Variants in UPF2 observed in about 807,000 individuals in gnomAD.
The protein encoded by UPF2 is UPF2 regulator of nonsense mediated mRNA decay.
Under a neutral mutation model 141.4 loss-of-function variants are expected in UPF2, and 17 were observed. The observed-to-expected ratio is 0.12, with a 90% confidence interval of 0.08 to 0.18. The LOEUF is 0.18. Ranked by LOEUF, UPF2 falls within the 10% of genes least tolerant of loss-of-function variation. The pLI is 1.00. For synonymous variants in UPF2, 540 were observed against 498.0 expected (o/e 1.08, Z -1.12); for missense variants, 1,152 against 1,515.9 (o/e 0.76, Z 3.99).
At chr10:11,983,626 C>G (rs538398966) in intron 8 of UPF2, among the ~76,000 whole-genome samples, 1 of 152,296 alleles carries the variant, frequency 6.6e-6, no homozygotes. Flanking sequence ...CCTGCTTCAG[C>G]CTCCCAAAGT....
chr10:12,000,346 T>C (rs1389977257), intron 6 of UPF2, among the ~76,000 whole-genome samples: 1 of 152,210 alleles, frequency 6.6e-6, no homozygotes, highest in East Asian at 1.9e-4. Context: ...GCACTCCCAA[T>C]TCTTGCCTTT....
In UPF2 at chr10:11,967,996, T is replaced by C. The variant is rs191350347; in HGVS notation, c.1954-542A>G. Among the ~76,000 whole-genome samples, 446 of 152,254 alleles carry C rather than the reference T, an allele frequency of 2.9e-3. 2 individuals carry two copies. The highest frequency in any genetic ancestry group is 7.3e-3 in the Admixed American group (111 of 15,290). ...GGAGTTCGAGACTGCCTGGCCAAGA[T>C]GGCGAAACCCTGTCTCTACTAAAAA... On this transcript the variant is annotated intron_variant, in intron 9 of 21. Transcript: ENST00000357604.
chr10:11,927,490 T>C (rs927162506), intron 21 of UPF2, among the ~76,000 whole-genome samples: 1 of 152,202 alleles, frequency 6.6e-6, no homozygotes, highest in African/African-American at 2.4e-5. Flanking sequence ...GAATAGATGT[T>C]ATCAAGAACA....
At chr10:12,020,949 C>T (rs1834307231) in intron 3 of UPF2, among the ~76,000 whole-genome samples, 1 of 152,214 alleles carries the variant, frequency 6.6e-6, no homozygotes, top group South Asian at 2.1e-4. Context: ...CAAGCCTTCA[C>T]CACAGAACTG....
In UPF2 at chr10:11,979,187, T is replaced by C. The variant is rs1564353253; in HGVS notation, c.1845-22A>G. On this transcript the variant is annotated intron_variant, in intron 8 of 21. Coordinates refer to ENST00000357604, the MANE Select transcript of UPF2 (RefSeq NM_015542.4). This position sits in a 1 kb window ranked among gnomAD's most constrained non-coding sequence, Gnocchi z 6.2. ...CAACCTGCAAAAGTTATATGTGATATGTGTCAAAGGAAAGACATATCAAAA... is the reference window on the plus strand; with the variant it reads ...CAACCTGCAAAAGTTATATGTGATACGTGTCAAAGGAAAGACATATCAAAA... 2 of 1,563,184 alleles carry C rather than the reference T, an allele frequency of 1.3e-6. No homozygotes were observed. The highest frequency in any genetic ancestry group is 2.2e-5 in the East Asian group (1 of 44,504).
At chr10:11,957,333 G>GCAAGAGAAT (rs753547697) in intron 12 of UPF2, among the ~76,000 whole-genome samples, 8 of 151,810 alleles carry the variant, frequency 5.3e-5, no homozygotes, top group Non-Finnish European at 1.2e-4. Flanking sequence ...GGTTGCTGAG[G>GCAAGAGAAT]CAAGAGAATC....
intron 4 of UPF2, 87 bp downstream of exon 4, chr10:12,013,937 T>C: frequency 7.7e-7 from 1 of 1,300,922 alleles, no homozygotes; most frequent in Non-Finnish European, 1.0e-6. Context: ...AAAACTTAAA[T>C]TCTCAATACT....
At chr10:11,976,469 A>C (rs1410868324) in intron 9 of UPF2, among the ~76,000 whole-genome samples, 1 of 152,226 alleles carries the variant, frequency 6.6e-6, no homozygotes, top group African/African-American at 2.4e-5. Flanking sequence ...AACTGGACAA[A>C]ATACATTGTA....
In UPF2 at chr10:11,940,010, G is replaced by A. The variant is rs1429883840; in HGVS notation, c.3378+2655C>T. ...ATAATTAGGATTATACTAAGTTTAA[G>A]GGCTTGATTTATGGAAAAATAATAT... On this transcript the variant is annotated intron_variant, in intron 18 of 21. Coordinates refer to ENST00000357604, the MANE Select transcript of UPF2 (RefSeq NM_015542.4). The surrounding 1 kb of genome is among the most constrained non-coding windows in gnomAD (Gnocchi z 4.2). 6.6e-6 allele frequency among the ~76,000 whole-genome samples: 1 copy of A among 152,088 alleles called. No homozygotes were observed. Among genetic ancestry groups the A allele is most frequent in the Non-Finnish European group, 1.5e-5 (1 of 68,014 alleles).
Position 12,023,459 on chromosome 10 carries a change from G to A in UPF2, c.1145+5286C>T, listed in dbSNP as rs1250037523. ...GGAGGCCGAGGCGGGAAGATCATGA[G>A]GTCAAGAGATCGAGACCATCCTGGC... On this transcript the variant is annotated intron_variant, in intron 3 of 21. Coordinates refer to ENST00000357604, the MANE Select transcript of UPF2 (RefSeq NM_015542.4). Among the ~76,000 whole-genome samples the A allele has an allele frequency of 2.7e-5, 4 of 148,100 alleles. No individual in the cohort carries two copies. In the Admixed American group the frequency reaches 2.8e-4, roughly 10 times the overall value.
intron 9 of UPF2, among the ~76,000 whole-genome samples, chr10:11,977,695 G>A (rs112768249): frequency 2.6e-5 from 4 of 152,186 alleles, no homozygotes; most frequent in African/African-American, 7.2e-5. Context: ...AGAATATCAC[G>A]GCTTCTGCTA....
At position 11,957,574 on chromosome 10, in the gene UPF2, G is replaced by T. The variant is rs190948088; in HGVS notation, c.2371-1051C>A. The stretch of plus-strand genomic sequence containing the variant: ...TCTGTCATCCAGGCTGGAGTGCAGT[G>T]GCATGATCTCAGCTCACTACAACCC... On this transcript the variant is annotated intron_variant, in intron 12 of 21. Transcript: ENST00000357604. Among the ~76,000 whole-genome samples the T allele has an allele frequency of 4.6e-5, 7 of 152,044 alleles. 1 individual carries two copies. The East Asian group carries it at 1.4e-3, about 30-fold the overall frequency.
At chr10:12,012,992 G>A (rs563825958) in intron 4 of UPF2, among the ~76,000 whole-genome samples, 1 of 151,548 alleles carries the variant, frequency 6.6e-6, no homozygotes, top group Non-Finnish European at 1.5e-5. Flanking sequence ...AGACATGGTG[G>A]TGCACACCTG....
At chr10:11,933,973 C>G (rs1172456447) in intron 19 of UPF2, among the ~76,000 whole-genome samples, 1 of 152,200 alleles carries the variant, frequency 6.6e-6, no homozygotes, top group African/African-American at 2.4e-5. Flanking sequence ...CTAGCTGAAG[C>G]TGCCATGTAC....
chr10:11,949,596 A>C (rs1435583451), intron 15 of UPF2, among the ~76,000 whole-genome samples: 2 of 152,228 alleles, frequency 1.3e-5, no homozygotes, highest in Non-Finnish European at 2.9e-5. Flanking sequence ...AAATGTTCAA[A>C]ACTTAAGACA....
At chr10:11,930,046 G>A in intron 20 of UPF2, 61 bp from the exon 21 acceptor site, 2 of 1,604,712 alleles carry the variant, frequency 1.2e-6, no homozygotes, top group Non-Finnish European at 1.7e-6. Flanking sequence ...TCCTCCTACA[G>A]AGTGAACGAA....
Position 11,971,405 on chromosome 10 carries a change from C to T in UPF2, c.1954-3951G>A, listed in dbSNP as rs540803862. 2.6e-5 allele frequency among the ~76,000 whole-genome samples: 4 copies of T among 152,292 alleles called. No individual in the cohort carries two copies. The East Asian group carries it at 7.7e-4, about 29-fold the overall frequency. On this transcript the variant is annotated intron_variant, in intron 9 of 21. Transcript: ENST00000357604. ...AAGTAGCTGGGATTAAAGGCATACG[C>T]CACCATGCCTGGCTAATTTTGTATT...
intron 4 of UPF2, 103 bp downstream of exon 4, chr10:12,013,921 A>G: frequency 4.8e-6 from 6 of 1,239,000 alleles, no homozygotes; most frequent in Non-Finnish European, 6.3e-6. Flanking sequence ...TGTTGACGCC[A>G]TTTTAAAAAC....
At chr10:11,996,855 T>C (rs987614478) in intron 8 of UPF2, among the ~76,000 whole-genome samples, 2 of 152,176 alleles carry the variant, frequency 1.3e-5, no homozygotes, top group African/African-American at 4.8e-5. Flanking sequence ...TATCAAGAGA[T>C]CATGGGCCTC....
Sources: allele counts gnomAD v4.1 joint callset (sites outside exome capture counted in the v4.1 genomes callset), GRCh38; gene constraint gnomAD v4.1.1; non-coding constraint Gnocchi (gnomAD v3.1); transcripts MANE v1.5; gene names NCBI Gene and HGNC (gene_info 2026-07-23, HGNC 2026-07-21).